NCALD: variants seen among roughly 807,000 people sequenced by gnomAD.
NCALD encodes the protein neurocalcin-delta.
A neutral mutation model predicts 18.6 loss-of-function variants in NCALD; 10 were observed. The ratio of observed to expected loss-of-function variants is 0.54; its 90% CI spans 0.33 to 0.91. The LOEUF is 0.91. Among genes scored for constraint, NCALD ranks in the 40% least tolerant of loss-of-function variants. The pLI is 0.03. For synonymous variants in NCALD, 88 were observed against 87.4 expected (o/e 1.01, Z -0.04); for missense variants, 184 against 247.6 (o/e 0.74, Z 1.72).
intron 2 of NCALD, among the ~76,000 whole-genome samples, chr8:101,925,697 C>A (rs778750090): frequency 5.9e-5 from 9 of 152,146 alleles, no homozygotes; most frequent in Non-Finnish European, 1.3e-4. Flanking sequence ...AAACCAGCCC[C>A]TAGAACAGAA....
At position 102,002,762 on chromosome 8, in the gene NCALD, T is replaced by C. The variant is rs571117078; in HGVS notation, c.-157+17475A>G. Among the ~76,000 whole-genome samples the C allele has an allele frequency of 4.2e-3, 632 of 152,284 alleles. 3 individuals carry two copies. Among genetic ancestry groups the C allele is most frequent in the African/African-American group, 0.014 (568 of 41,564 alleles). On this transcript the variant is annotated intron_variant, in intron 2 of 6. Transcript: ENST00000311028. ...TCAACTACATGGAAACTGAACAACCTGCTCCTGAATGACTACTGTGTACAT... is the reference window on the plus strand; with the variant it reads ...TCAACTACATGGAAACTGAACAACCCGCTCCTGAATGACTACTGTGTACAT...
chr8:101,822,704 G>A (rs1453722393), intron 4 of NCALD, among the ~76,000 whole-genome samples: 1 of 152,192 alleles, frequency 6.6e-6, no homozygotes, highest in East Asian at 1.9e-4. Flanking sequence ...TGCAGCCTTT[G>A]TAATTCCAGC....
intron 2 of NCALD, among the ~76,000 whole-genome samples, chr8:101,714,445 G>T (rs1815965079): frequency 6.6e-6 from 1 of 152,022 alleles, no homozygotes; most frequent in South Asian, 2.1e-4. Context: ...GGGACGTGAA[G>T]GACCTCTTCA....
At chr8:101,915,355 C>A (rs1817937074) in intron 3 of NCALD, among the ~76,000 whole-genome samples, 1 of 152,180 alleles carries the variant, frequency 6.6e-6, no homozygotes, top group African/African-American at 2.4e-5. Context: ...TTCTCTAATA[C>A]AAATCTGTTA....
chr8:101,892,363 A>G (rs1254836448), intron 3 of NCALD, among the ~76,000 whole-genome samples: 1 of 147,276 alleles, frequency 6.8e-6, no homozygotes, highest in African/African-American at 2.7e-5. Context: ...ACCCATCTGT[A>G]CATCACCATT....
At chr8:101,987,531 TAA>T (rs1228511649) in intron 2 of NCALD, among the ~76,000 whole-genome samples, 27 of 152,074 alleles carry the variant, frequency 1.8e-4, no homozygotes, top group Admixed American at 1.8e-3. Flanking sequence ...AAGAAAAATA[TAA>T]GTGATAAAAG....
chr8:101,972,030 T>C (rs1157430759), intron 2 of NCALD, among the ~76,000 whole-genome samples: 4 of 152,144 alleles, frequency 2.6e-5, no homozygotes, highest in Non-Finnish European at 5.9e-5. Flanking sequence ...AGCCTTTCCA[T>C]GTATTCTCAC....
intron 1 of NCALD, among the ~76,000 whole-genome samples, chr8:102,067,301 A>C (rs1299229312): frequency 6.6e-6 from 1 of 152,214 alleles, no homozygotes; most frequent in Non-Finnish European, 1.5e-5. Context: ...ACAACAACTG[A>C]ATCCAAAGTG....
rs149175185 is a variant in NCALD at position 102,090,721 on chromosome 8, G to A, written c.-210+33516C>T. Among the ~76,000 whole-genome samples, 569 of 152,204 alleles carry A rather than the reference G, an allele frequency of 3.7e-3. 5 individuals are homozygous for A. The highest frequency in any genetic ancestry group is 0.024 in the Middle Eastern group (7 of 292). ...TGTGAACAAAATTTGGATCATATTT[G>A]TTTCTCTCTACCCAATTTCTCCAGA... On this transcript the variant is annotated intron_variant, in intron 1 of 6. Transcript: ENST00000311028.
intron 4 of NCALD, among the ~76,000 whole-genome samples, chr8:101,848,713 A>C (rs534123741): frequency 6.6e-6 from 1 of 152,246 alleles, no homozygotes; most frequent in East Asian, 1.9e-4. Context: ...TATTAACTTC[A>C]ATTTTTTGCA....
intron 1 of NCALD, among the ~76,000 whole-genome samples, chr8:102,069,351 A>G (rs34093878): frequency 0.15 from 23,575 of 152,162 alleles, 2,087 homozygotes; most frequent in African/African-American, 0.23. Flanking sequence ...AATTAAAAAT[A>G]AAATAAAATT....
At chr8:102,048,792 A>C in intron 1 of NCALD, among the ~76,000 whole-genome samples, 1 of 152,216 alleles carries the variant, frequency 6.6e-6, no homozygotes, top group Non-Finnish European at 1.5e-5. Context: ...CAATGACTTC[A>C]GTGGGACTCT....
intron 1 of NCALD, among the ~76,000 whole-genome samples, chr8:101,747,812 G>A (rs934092859): frequency 4.6e-5 from 7 of 151,982 alleles, no homozygotes; most frequent in African/African-American, 1.4e-4. Flanking sequence ...CTCCCTCCTG[G>A]GTTCAAGTGA....
chr8:101,694,780 T>C (rs1273466973), intron 2 of NCALD, among the ~76,000 whole-genome samples: 2 of 152,088 alleles, frequency 1.3e-5, no homozygotes, highest in African/African-American at 2.4e-5. Flanking sequence ...GCTGGGGCTG[T>C]AGTGCCATGT....
intron 4 of NCALD, among the ~76,000 whole-genome samples, chr8:101,825,884 T>C (rs1247889507): frequency 6.6e-6 from 1 of 152,204 alleles, no homozygotes; most frequent in Non-Finnish European, 1.5e-5. Context: ...TAAAACTTTA[T>C]TTTTTAAAAA....
intron 2 of NCALD, among the ~76,000 whole-genome samples, chr8:101,926,572 TTTAAC>T (rs1283442939): frequency 2.0e-5 from 3 of 152,224 alleles, no homozygotes; most frequent in Non-Finnish European, 2.9e-5. Context: ...ATTTAACCTC[TTTAAC>T]TTAACTTAAA....
At chr8:101,915,017 T>G (rs1817926706) in intron 3 of NCALD, among the ~76,000 whole-genome samples, 1 of 152,218 alleles carries the variant, frequency 6.6e-6, no homozygotes, top group Non-Finnish European at 1.5e-5. Flanking sequence ...TGACAAACAT[T>G]TTTGCAGTGA....
intron 2 of NCALD, among the ~76,000 whole-genome samples, chr8:101,922,380 T>C (rs1346314195): frequency 6.6e-6 from 1 of 152,164 alleles, no homozygotes; most frequent in Non-Finnish European, 1.5e-5. Flanking sequence ...GTCTATTTTC[T>C]ACATTATTGG....
chr8:102,107,217 T>TATATATATATATAC (rs1825491074), intron 1 of NCALD, among the ~76,000 whole-genome samples: 1 of 126,498 alleles, frequency 7.9e-6, no homozygotes, highest in African/African-American at 3.5e-5. Context: ...TATATATATA[T>TATATATATATATAC]ATATATATAT....
Sources: gnomAD v4.1 joint callset for allele counts (sites outside exome capture counted in the v4.1 genomes callset) on GRCh38, gnomAD v4.1.1 for gene constraint, MANE v1.5 for transcripts, NCBI Gene and HGNC (gene_info 2026-07-23, HGNC 2026-07-21) for gene names.